Variants in PHACTR3 observed in about 807,000 individuals in gnomAD.
The protein encoded by PHACTR3 is protein phosphatase 1, regulatory subunit 123.
A neutral mutation model predicts 66.8 loss-of-function variants in PHACTR3; 16 were observed. That is an observed-to-expected ratio of 0.24 (90% CI 0.16 to 0.36). The LOEUF (loss-of-function observed/expected upper bound fraction) is 0.36, where lower values mean the gene tolerates loss of function less well. Among genes scored for constraint, PHACTR3 ranks in the 10% least tolerant of loss-of-function variants. The pLI, the probability that PHACTR3 is intolerant of heterozygous loss-of-function variation, is 1.00. For missense variants in PHACTR3, 647 were observed against 719.9 expected (o/e 0.90, Z 1.16); for synonymous variants, 323 against 292.1 (o/e 1.11, Z -1.08).
At chr20:59,799,821 A>G (rs908385455) in intron 7 of PHACTR3, among the ~76,000 whole-genome samples, 1 of 151,660 alleles carries the variant, frequency 6.6e-6, no homozygotes, top group African/African-American at 2.4e-5. Flanking sequence ...ATTAGGTTTA[A>G]CTCTACCGTC....
intron 7 of PHACTR3, among the ~76,000 whole-genome samples, chr20:59,798,383 C>G (rs1200283371): frequency 6.6e-6 from 1 of 152,158 alleles, no homozygotes; most frequent in African/African-American, 2.4e-5. Context: ...CACAAACATT[C>G]AAACCATAAA....
rs149018113 is a variant in PHACTR3, at chr20:59,624,127, T to C, written c.118+18995T>C. Among the ~76,000 whole-genome samples the C allele has an allele frequency of 1.3e-4, 20 of 152,262 alleles. No individual in the cohort carries two copies. The East Asian group carries it at 3.3e-3, about 25-fold the overall frequency. ...GGGCAGTGTCTCTAGAGGGTGGCTT[T>C]CTTCGATGTGAGCCTGGAAGTTGGT... On this transcript the variant is annotated intron_variant, in intron 1 of 12. Coordinates refer to ENST00000371015, the MANE Select transcript of PHACTR3 (RefSeq NM_080672.5).
chr20:59,835,612 A>C (rs1416625773), intron 8 of PHACTR3, among the ~76,000 whole-genome samples: 1 of 152,214 alleles, frequency 6.6e-6, no homozygotes, highest in African/African-American at 2.4e-5. Flanking sequence ...GCCCAAGGAC[A>C]ATATTATTGT....
Position 59,774,800 on chromosome 20 carries a change from G to T in PHACTR3, c.1174+310G>T, listed in dbSNP as rs74388093. ...TAAAAGTGGTGAAGCAAGTGACTTA[G>T]AGAATGCCACCCCTGAGGATGCTGT... On this transcript the variant is annotated intron_variant, in intron 7 of 12. Coordinates refer to ENST00000371015, the MANE Select transcript of PHACTR3 (RefSeq NM_080672.5). Among the ~76,000 whole-genome samples the T allele has an allele frequency of 9.2e-3, 1,407 of 152,148 alleles. 13 individuals carry two copies. The highest frequency in any genetic ancestry group is 0.031 in the African/African-American group (1,293 of 41,500).
intron 9 of PHACTR3, 80 bp downstream of exon 9, chr20:59,836,640 C>T: frequency 7.2e-7 from 1 of 1,394,452 alleles, no homozygotes. Context: ...TCCCATAACC[C>T]AGCCCTTCTC....
At chr20:59,684,953 C>T (rs2036806637) in intron 1 of PHACTR3, among the ~76,000 whole-genome samples, 5 of 152,170 alleles carry the variant, frequency 3.3e-5, no homozygotes, top group Non-Finnish European at 5.9e-5. Context: ...TCCCATGGCT[C>T]AGCACGTCCC....
At chr20:59,794,893 T>TGA (rs2041208309) in intron 7 of PHACTR3, among the ~76,000 whole-genome samples, 1 of 152,178 alleles carries the variant, frequency 6.6e-6, no homozygotes, top group Non-Finnish European at 1.5e-5. Context: ...ATGTTCCATT[T>TGA]TTCATCTCTG....
intron 5 of PHACTR3, among the ~76,000 whole-genome samples, chr20:59,768,763 T>C (rs1206020169): frequency 6.6e-6 from 1 of 152,226 alleles, no homozygotes; most frequent in Non-Finnish European, 1.5e-5. Flanking sequence ...GACTCTTGGG[T>C]GGAAAATGCT....
At chr20:59,595,903 T>G (rs2033314676) in intron 1 of PHACTR3, among the ~76,000 whole-genome samples, 1 of 152,180 alleles carries the variant, frequency 6.6e-6, no homozygotes, top group African/African-American at 2.4e-5. Context: ...TTTACTTTTA[T>G]TTTTTTACTC....
At chr20:59,743,411 C>A (rs897920009) in intron 2 of PHACTR3, 143 bp downstream of exon 2, 99 of 1,176,784 alleles carry the variant, frequency 8.4e-5, no homozygotes, top group Non-Finnish European at 1.1e-4. Flanking sequence ...TGGCCAGGAG[C>A]CATGCAAGTT....
chr20:59,651,115 C>A (rs1459622598), intron 1 of PHACTR3, among the ~76,000 whole-genome samples: 5 of 152,082 alleles, frequency 3.3e-5, no homozygotes, highest in African/African-American at 1.2e-4. Flanking sequence ...AATCCCAGCA[C>A]TTTAGGAGGC....
chr20:59,832,655 C>T (rs1480578966), intron 8 of PHACTR3, among the ~76,000 whole-genome samples: 1 of 152,136 alleles, frequency 6.6e-6, no homozygotes, highest in Non-Finnish European at 1.5e-5. Flanking sequence ...CCTTCAGTGC[C>T]GCTCTGGGGT....
intron 3 of PHACTR3, among the ~76,000 whole-genome samples, chr20:59,754,880 T>A (rs1174573337): frequency 6.6e-6 from 1 of 152,164 alleles, no homozygotes. Context: ...ACTGCAAAGG[T>A]GCACGGCAGT....
chr20:59,665,993 G>A (rs1435353320), intron 1 of PHACTR3, among the ~76,000 whole-genome samples: 1 of 152,184 alleles, frequency 6.6e-6, no homozygotes, highest in East Asian at 1.9e-4. Context: ...AGTGGTTTGA[G>A]TGAGGAGGAA....
intron 1 of PHACTR3, among the ~76,000 whole-genome samples, chr20:59,713,484 T>C (rs565375112): frequency 6.6e-6 from 1 of 152,350 alleles, no homozygotes; most frequent in African/African-American, 2.4e-5. Flanking sequence ...TTTACTTGTT[T>C]TTGAGTCTTA....
chr20:59,696,268 GT>G (rs1234306541), intron 1 of PHACTR3, among the ~76,000 whole-genome samples: 1 of 152,194 alleles, frequency 6.6e-6, no homozygotes, highest in Non-Finnish European at 1.5e-5. Context: ...ACAGTAGATG[GT>G]TATAAAGGAC....
chr20:59,794,588 T>A (rs1487648264), intron 7 of PHACTR3, among the ~76,000 whole-genome samples: 1 of 152,228 alleles, frequency 6.6e-6, no homozygotes, highest in East Asian at 1.9e-4. Flanking sequence ...TCCTTTTCAA[T>A]ATTTTAGAAT....
chr20:59,736,914 G>A lies in PHACTR3; in HGVS notation c.119-6193G>A, dbSNP rs2038965323. Among the ~76,000 whole-genome samples the A allele has an allele frequency of 6.6e-6, 1 of 152,174 alleles. No homozygotes were observed. The highest frequency in any genetic ancestry group is 1.5e-5 in the Non-Finnish European group (1 of 68,022). ...CAGAGCAGCACAGCCTGGGGCCCCT[G>A]GGCATGGGGTCTTCACTCCTCTGAT... On this transcript the variant is annotated intron_variant, in intron 1 of 12. Coordinates refer to ENST00000371015, the MANE Select transcript of PHACTR3 (RefSeq NM_080672.5). This position sits in a 1 kb window ranked among gnomAD's most constrained non-coding sequence, Gnocchi z 4.6.
chr20:59,805,910 T>C, intron 7 of PHACTR3, 131 bp from the exon 8 acceptor site: 1 of 985,514 alleles, frequency 1.0e-6, no homozygotes, highest in Non-Finnish European at 1.5e-6. Context: ...GTCCTCTCAG[T>C]TCTAGCCACC....
Sources: gnomAD v4.1 joint callset for allele counts (sites outside exome capture counted in the v4.1 genomes callset) on GRCh38, gnomAD v4.1.1 for gene constraint, Gnocchi (gnomAD v3.1) non-coding constraint, MANE v1.5 for transcripts, NCBI Gene and HGNC (gene_info 2026-07-23, HGNC 2026-07-21) for gene names.